FKBP9: variants seen among roughly 807,000 people sequenced by gnomAD.
The protein encoded by FKBP9 is peptidyl-prolyl cis-trans isomerase FKBP9.
FKBP9 carries 27 observed loss-of-function variants against 55.6 expected under a neutral mutation model. The observed-to-expected ratio is 0.49, with a 90% confidence interval of 0.36 to 0.67. The LOEUF is 0.67. FKBP9 is among the 30% of genes least tolerant of loss of function. The pLI, the probability that FKBP9 is intolerant of heterozygous loss-of-function variation, is 0.00. For missense variants in FKBP9, 539 were observed against 742.8 expected (o/e 0.73, Z 3.19); for synonymous variants, 267 against 296.5 (o/e 0.90, Z 1.02).
intron 4 of FKBP9, among the ~76,000 whole-genome samples, chr7:32,977,579 G>A (rs571580993): frequency 6.6e-6 from 1 of 152,176 alleles, no homozygotes; most frequent in South Asian, 2.1e-4. Flanking sequence ...GTGGTCTGTT[G>A]TTGACCAAAA....
At position 32,996,288 on chromosome 7, in the gene FKBP9, G is replaced by A; in HGVS notation, c.1165G>A (p.Gly389Arg). 5 of 1,614,026 alleles carry A rather than the reference G, an allele frequency of 3.1e-6. No individual in the cohort carries two copies. The highest frequency in any genetic ancestry group is 4.2e-6 in the Non-Finnish European group (5 of 1,179,938). The change falls in exon 7 of 10, where the codon GGA (glycine) becomes AGA (arginine). Residue 389 changes from glycine (G) to arginine (R), a missense_variant. Around this residue, in one of 4 missense-constraint regions of FKBP9, gnomAD observed 172 missense variants for 205.3 expected, o/e 0.84. Transcript: ENST00000242209. The part of the protein sequence containing the change: ...PPDCSVLSKK[G>R]DYLKYHYNAS... ...TGACTGCTCAGTGCTGAGTAAGAAGGGAGATTACCTCAAATATCACTACAA... is the reference window on the plus strand; with the variant it reads ...TGACTGCTCAGTGCTGAGTAAGAAGAGAGATTACCTCAAATATCACTACAA...
intron 1 of FKBP9, among the ~76,000 whole-genome samples, chr7:32,972,408 GTGAGGTGGAC>G (rs1784271549): frequency 6.6e-6 from 1 of 152,168 alleles, no homozygotes; most frequent in East Asian, 1.9e-4. Flanking sequence ...GAGGGGAGTG[GTGAGGTGGAC>G]TCTGTTGCTC....
Position 32,970,228 on chromosome 7 carries a change from G to T in FKBP9, c.222-4389G>T, listed in dbSNP as rs546853441. On this transcript the variant is annotated intron_variant, in intron 1 of 9. Transcript: ENST00000242209. ...TTTCTTTTTTTAGAGACAGAGTCTC[G>T]CTCTGTCGCCCAGACTGGAGTGAAG... Among the ~76,000 whole-genome samples the T allele has an allele frequency of 4.0e-5, 6 of 151,770 alleles. No individual in the cohort carries two copies. The South Asian group carries it at 1.0e-3, about 26-fold the overall frequency.
intron 7 of FKBP9, among the ~76,000 whole-genome samples, chr7:32,996,842 C>T (rs1311407539): frequency 2.5e-5 from 3 of 119,334 alleles, no homozygotes; most frequent in Admixed American, 2.3e-4. Context: ...GGCCGGACTG[C>T]GGACTGCAGT....
chr7:32,994,361 T>A (rs531249373), intron 6 of FKBP9, among the ~76,000 whole-genome samples: 8 of 152,350 alleles, frequency 5.3e-5, no homozygotes, highest in Non-Finnish European at 8.8e-5. Flanking sequence ...GCCTTTTGTG[T>A]CTGGCTTCTT....
At chr7:32,963,045 G>A (rs998910293) in intron 1 of FKBP9, among the ~76,000 whole-genome samples, 2 of 152,202 alleles carry the variant, frequency 1.3e-5, no homozygotes, top group African/African-American at 2.4e-5. Context: ...ACCTCTACCC[G>A]TTCCAGGGAA....
intron 7 of FKBP9, among the ~76,000 whole-genome samples, chr7:32,996,698 TTCTC>T (rs1784800224): frequency 7.1e-6 from 1 of 140,524 alleles, no homozygotes; most frequent in African/African-American, 2.6e-5. Context: ...TTTCCTTTCT[TTCTC>T]TTTCTCTCTT....
rs554473255 is a variant in FKBP9 at position 32,988,520 on chromosome 7, C to A, written c.907C>A (p.Arg303Ser). The A allele has an allele frequency of 3.1e-6, 5 of 1,613,736 alleles. No individual in the cohort carries two copies. The highest frequency in any genetic ancestry group is 4.2e-6 in the Non-Finnish European group (5 of 1,179,834). ...CTTCTTTTCTAGCTACTCTCGGAACCGCACGTTTGACACGTACATTGGGCA... is the reference window on the plus strand; with the variant it reads ...CTTCTTTTCTAGCTACTCTCGGAACAGCACGTTTGACACGTACATTGGGCA... Reference protein sequence around the residue: ...TLFDSSYSRNRTFDTYIGQGY... With the variant: ...TLFDSSYSRNSTFDTYIGQGY... Residue 303 changes from arginine to serine, a missense_variant, in exon 6 of 10, where the codon CGC becomes AGC. By Grantham distance (110) the Arg-to-Ser change is moderately radical. Around this residue, in one of 4 missense-constraint regions of FKBP9, gnomAD observed 172 missense variants for 205.3 expected, o/e 0.84. Coordinates refer to ENST00000242209, the MANE Select transcript of FKBP9 (RefSeq NM_007270.5).
intron 6 of FKBP9, among the ~76,000 whole-genome samples, chr7:32,989,193 A>G (rs1347267593): frequency 2.0e-5 from 3 of 152,118 alleles, no homozygotes; most frequent in Non-Finnish European, 2.9e-5. Flanking sequence ...TTTGTTTTAT[A>G]TATTATAAAA....
chr7:32,993,022 G>C (rs1007841014), intron 6 of FKBP9: 8 of 231,818 alleles, frequency 3.5e-5, no homozygotes, highest in Admixed American at 5.6e-5. Context: ...TGGAATCCTC[G>C]GGGCCTGAGA....
In FKBP9 at chr7:32,980,410, A is replaced by G; in HGVS notation, c.750A>G (p.Leu250=). 6.2e-7 allele frequency: 1 copy of G among 1,613,546 alleles called. No individual in the cohort carries two copies. The highest frequency in any genetic ancestry group is 8.5e-7 in the Non-Finnish European group (1 of 1,179,778). ...CATCTCTGGTGTTTGATGTTGCATTATTGGACCTCCATAACCCCAAGGACA... is the reference window on the plus strand; with the variant it reads ...CATCTCTGGTGTTTGATGTTGCATTGTTGGACCTCCATAACCCCAAGGACA... ...GQASLVFDVA[L]LDLHNPKDSI... The change falls in exon 5 of 10, where the codon TTA becomes TTG. Residue 250 remains leucine (L), a synonymous_variant. Coordinates refer to ENST00000242209, the MANE Select transcript of FKBP9 (RefSeq NM_007270.5).
In FKBP9 at chr7:32,991,489, C is replaced by G. The variant is rs371128786; in HGVS notation, c.1039+2837C>G. Among the ~76,000 whole-genome samples the G allele has an allele frequency of 3.9e-5, 6 of 152,326 alleles. No individual in the cohort carries two copies. In the East Asian group the frequency reaches 1.2e-3, roughly 29 times the overall value. On this transcript the variant is annotated intron_variant, in intron 6 of 9. Transcript: ENST00000242209. The stretch of plus-strand genomic sequence containing the variant: ...GGCTGACCCGAGAGGGGTCAGGATG[C>G]TGAAACTGTCTTCTTAGTGGCTTCT...
chr7:32,959,205 A>C (rs1452684496), intron 1 of FKBP9, among the ~76,000 whole-genome samples: 3 of 152,114 alleles, frequency 2.0e-5, no homozygotes, highest in African/African-American at 7.2e-5. Context: ...GGAGATCGAG[A>C]CCATCCTGGC....
rs867423315 is a variant in FKBP9 at position 32,963,792 on chromosome 7, C to T, written c.221+5998C>T. On this transcript the variant is annotated intron_variant, in intron 1 of 9. Coordinates refer to ENST00000242209, the MANE Select transcript of FKBP9 (RefSeq NM_007270.5). ...GTGCTCCAATAAGCTCCCCATGCTG[C>T]ACACATGACCTCTGGGATCCAGCAC... The T allele has an allele frequency of 7.3e-5, 92 of 1,252,628 alleles. No individual in the cohort carries two copies. In the African/African-American group the frequency reaches 1.2e-3, roughly 16 times the overall value. 77.6% of individuals were successfully genotyped at this position (1,252,628 alleles called of 1,614,324 possible).
intron 6 of FKBP9, 147 bp downstream of exon 6, chr7:32,988,799 G>A (rs922787486): frequency 1.5e-5 from 11 of 748,318 alleles, no homozygotes; most frequent in East Asian, 2.8e-5. Flanking sequence ...TGTGATCATC[G>A]TGTACTATGG....
chr7:32,993,869 C>G (rs1420292067), intron 6 of FKBP9, among the ~76,000 whole-genome samples: 1 of 151,620 alleles, frequency 6.6e-6, no homozygotes, highest in East Asian at 1.9e-4. Context: ...CTTTTTATTG[C>G]TGAATGAATA....
At chr7:32,957,840 C>T in intron 1 of FKBP9, 46 bp downstream of exon 1, 6 of 1,351,368 alleles carry the variant, frequency 4.4e-6, no homozygotes, top group Non-Finnish European at 4.8e-6. Context: ...GATGCGCGTC[C>T]CTCTCTCCGG....
chr7:32,976,087 G>T (rs1311179300), intron 3 of FKBP9, among the ~76,000 whole-genome samples: 1 of 152,186 alleles, frequency 6.6e-6, no homozygotes, highest in Non-Finnish European at 1.5e-5. Flanking sequence ...GGAACCCTTC[G>T]CAATTTCTTC....
intron 5 of FKBP9, among the ~76,000 whole-genome samples, chr7:32,986,516 A>G (rs1784584101): frequency 6.6e-6 from 1 of 152,096 alleles, no homozygotes. Context: ...GTTCCCCTCC[A>G]GGCCTTCCTG....
Sources: gnomAD v4.1 joint callset for allele counts (sites outside exome capture counted in the v4.1 genomes callset) on GRCh38, gnomAD v4.1.1 for gene constraint, gnomAD v4.1.1 regional missense constraint, MANE v1.5 for transcripts, NCBI Gene and HGNC (gene_info 2026-07-23, HGNC 2026-07-21) for gene names.